HEATR6: variants seen among roughly 807,000 people sequenced by gnomAD.
HEATR6 encodes the protein HEAT repeat containing 6.
A neutral mutation model predicts 132.8 loss-of-function variants in HEATR6; 106 were observed. That is an observed-to-expected ratio of 0.80 (90% confidence interval 0.68 to 0.94). The LOEUF (loss-of-function observed/expected upper bound fraction) is 0.94, where lower values mean the gene tolerates loss of function less well. HEATR6 is among the 40% of genes least tolerant of loss of function. HEATR6 has a pLI of 0.00. For missense variants in HEATR6, 1,339 were observed against 1,425.1 expected (o/e 0.94, Z 0.97); for synonymous variants, 529 against 537.8 (o/e 0.98, Z 0.23).
chr17:60,069,678 C>A, intron 7 of HEATR6, 33 bp downstream of exon 7: 1 of 1,599,550 alleles, frequency 6.3e-7, no homozygotes, highest in Non-Finnish European at 8.6e-7. Context: ...TAAAAATAAG[C>A]CACAACTTAA....
At position 60,073,770 on chromosome 17, in the gene HEATR6, G is replaced by A. The variant is rs746639380; in HGVS notation, c.444C>T (p.Tyr148=). ...CCTTTTGACATTTGGAGCCATTGCA[G>A]TACACCAGAGCTGCCAGGGCTTGAA... ...EILQALAALV[Y]CNGSKCQKYL... The change falls in exon 3 of 20, where the codon TAC becomes TAT. Residue 148 remains tyrosine, a synonymous_variant. Coordinates refer to ENST00000184956, the MANE Select transcript of HEATR6 (RefSeq NM_022070.5). The A allele has an allele frequency of 6.8e-6, 11 of 1,614,048 alleles. No individual in the cohort carries two copies. In the South Asian group the frequency reaches 1.2e-4, roughly 18 times the overall value.
At position 60,069,635 on chromosome 17, in the gene HEATR6, T is replaced by C. The variant is rs2083260547; in HGVS notation, c.939+76A>G. 5.7e-6 allele frequency: 8 copies of C among 1,405,740 alleles called. No individual in the cohort carries two copies. The Admixed American group carries it at 7.0e-5, about 12-fold the overall frequency. 87.1% of individuals were successfully genotyped at this position (1,405,740 alleles called of 1,614,324 possible). On this transcript the variant is annotated intron_variant, in intron 7 of 19. Coordinates refer to ENST00000184956, the MANE Select transcript of HEATR6 (RefSeq NM_022070.5). ...AGGTAGGCTTTTAGGGTAGTAGTGA[T>C]GCAAATCATAGAAAACACACACAAC...
Position 60,078,774 on chromosome 17 carries a change from G to C in HEATR6, c.141C>G (p.Ser47=), listed in dbSNP as rs1453855732. The part of the protein sequence containing the change: ...LCALRPDDSS[S]ARTEIHLLFD... ...AGAGCAGGTGGATCTCGGTGCGGGC[G>C]GAGCTGCTGTCATCCGGGCGCAGGG... Residue 47 remains serine, a synonymous_variant, in exon 1 of 20, where the codon TCC becomes TCG. Coordinates refer to ENST00000184956, the MANE Select transcript of HEATR6 (RefSeq NM_022070.5). 12 of 1,579,494 alleles carry C rather than the reference G, an allele frequency of 7.6e-6. No homozygotes were observed. In the Middle Eastern group the frequency reaches 1.0e-3, roughly 131 times the overall value.
At position 60,046,151 on chromosome 17, in the gene HEATR6, C is replaced by A. The variant is rs114955915; in HGVS notation, c.2848G>T (p.Ala950Ser). The A allele has an allele frequency of 3.5e-5, 56 of 1,613,972 alleles. No individual in the cohort carries two copies. In the African/African-American group the frequency reaches 7.1e-4, roughly 20 times the overall value. Reference protein sequence around the residue: ...QPSHIEKPTFAEIIEESIQAL... With the variant: ...QPSHIEKPTFSEIIEESIQAL... Reference sequence around the variant, plus strand: ...TGGATAGACTCCTCAATGATTTCTGCAAATGTGGGTTTTTCTATATGAGAG... The same window carrying A: ...TGGATAGACTCCTCAATGATTTCTGAAAATGTGGGTTTTTCTATATGAGAG... The change falls in exon 19 of 20, where the codon GCA becomes TCA. Residue 950 changes from alanine (A) to serine (S), a missense_variant. By Grantham distance (99) the Ala-to-Ser change is moderately conservative. Coordinates refer to ENST00000184956, the MANE Select transcript of HEATR6 (RefSeq NM_022070.5).
chr17:60,056,302 T>C, intron 12 of HEATR6, 65 bp from the exon 13 acceptor site: 1 of 1,471,022 alleles, frequency 6.8e-7, no homozygotes, highest in East Asian at 2.4e-5. Flanking sequence ...TCCAGAAAAG[T>C]GTTACAATAT....
intron 2 of HEATR6, chr17:60,075,908 C>A: frequency 6.7e-6 from 2 of 300,064 alleles, no homozygotes; most frequent in Non-Finnish European, 1.2e-5. Flanking sequence ...CTGAACCAAA[C>A]AGAAAGGCAT....
Position 60,048,418 on chromosome 17 carries a change from C to A in HEATR6, c.2548-30G>T, listed in dbSNP as rs1906445746. 3 of 1,580,342 alleles carry A rather than the reference C, an allele frequency of 1.9e-6. No homozygotes were observed. The South Asian group carries it at 3.4e-5, about 18-fold the overall frequency. On this transcript the variant is annotated intron_variant, in intron 16 of 19. Transcript: ENST00000184956. Reference sequence around the variant, plus strand: ...AACACAAAACAAAACACTGCAGTTACTTTAGCAGGTCATGCTGCTACCTTT... The same window carrying A: ...AACACAAAACAAAACACTGCAGTTAATTTAGCAGGTCATGCTGCTACCTTT...
intron 9 of HEATR6, 116 bp from the exon 10 acceptor site, chr17:60,060,212 G>C (rs898209758): frequency 2.8e-6 from 2 of 723,040 alleles, no homozygotes; most frequent in Non-Finnish European, 4.6e-6. Context: ...GAAGAATAAA[G>C]GCAATGGGAT....
At chr17:60,077,510 C>G (rs1221893809) in intron 1 of HEATR6, among the ~76,000 whole-genome samples, 1 of 152,240 alleles carries the variant, frequency 6.6e-6, no homozygotes, top group African/African-American at 2.4e-5. Flanking sequence ...ATGACATACA[C>G]TATTATTCTG....
rs1275482797 is a variant in HEATR6 at position 60,073,790 on chromosome 17, C to T, written c.424G>A (p.Ala142Thr). ...SSWTHREILQ[A>T]LAALVYCNGS... ...TTGCAGTACACCAGAGCTGCCAGGG[C>T]TTGAAGAATTTCCCTGTGTGTCCAG... The change falls in exon 3 of 20, where the codon GCC (alanine) becomes ACC (threonine). Residue 142 changes from alanine to threonine, a missense_variant. Transcript: ENST00000184956. The T allele has an allele frequency of 1.9e-6, 3 of 1,613,936 alleles. No individual in the cohort carries two copies. Among genetic ancestry groups the T allele is most frequent in the Non-Finnish European group, 2.5e-6 (3 of 1,179,966 alleles).
chr17:60,071,879 A>T (rs1197893740), intron 5 of HEATR6, among the ~76,000 whole-genome samples: 3 of 152,358 alleles, frequency 2.0e-5, no homozygotes, highest in Non-Finnish European at 2.9e-5. Flanking sequence ...TCGTATTTTT[A>T]AAAAAGAAAT....
At chr17:60,051,846 A>G (rs1906586332) in intron 14 of HEATR6, among the ~76,000 whole-genome samples, 1 of 152,168 alleles carries the variant, frequency 6.6e-6, no homozygotes, top group Non-Finnish European at 1.5e-5. Flanking sequence ...CCCACTCCAG[A>G]AGAATGTGGA....
intron 8 of HEATR6, 103 bp from the exon 9 acceptor site, chr17:60,066,489 A>G (rs536648010): frequency 1.6e-5 from 13 of 825,246 alleles, no homozygotes; most frequent in Admixed American, 9.5e-5. Context: ...CAAATGATAC[A>G]TTCAAAAATT....
chr17:60,046,173 A>G lies in HEATR6; in HGVS notation c.2826T>C (p.Ser942=), dbSNP rs1366658132. The G allele has an allele frequency of 3.7e-6, 6 of 1,613,968 alleles. No homozygotes were observed. Among genetic ancestry groups the G allele is most frequent in the African/African-American group, 2.7e-5 (2 of 75,040 alleles). The change falls in exon 19 of 20, where the codon TCT becomes TCC. Residue 942 remains serine, a synonymous_variant. Transcript: ENST00000184956. ...CTGCAAATGTGGGTTTTTCTATATG[A>G]GAGGGTTGCAGAAAATGAAGCAAAT... ...LGNLLHFLQP[S]HIEKPTFAEI...
intron 1 of HEATR6, chr17:60,076,808 A>G (rs901970412): frequency 2.6e-5 from 4 of 152,268 alleles, no homozygotes; most frequent in African/African-American, 9.6e-5. Flanking sequence ...TTAAATAACC[A>G]GAAAAAGGCT....
chr17:60,061,821 C>G (rs568158013), intron 9 of HEATR6, among the ~76,000 whole-genome samples: 1 of 152,256 alleles, frequency 6.6e-6, no homozygotes, highest in African/African-American at 2.4e-5. Context: ...GAGGCTCGTC[C>G]GAACTCAACA....
intron 9 of HEATR6, among the ~76,000 whole-genome samples, chr17:60,065,564 C>T (rs1469809104): frequency 6.6e-6 from 1 of 152,186 alleles, no homozygotes; most frequent in Non-Finnish European, 1.5e-5. Flanking sequence ...GAAGAATTAA[C>T]ATATTCAAGC....
At chr17:60,066,662 GACACT>G (rs1432843187) in intron 8 of HEATR6, among the ~76,000 whole-genome samples, 4 of 152,122 alleles carry the variant, frequency 2.6e-5, no homozygotes, top group Non-Finnish European at 5.9e-5. Context: ...TTGATATCAG[GACACT>G]GGTGTTAGAC....
intron 9 of HEATR6, among the ~76,000 whole-genome samples, chr17:60,060,407 G>GT (rs2083204071): frequency 1.3e-5 from 2 of 152,154 alleles, no homozygotes; most frequent in Middle Eastern, 3.4e-3. Context: ...AGCCTCCCAA[G>GT]TAGCTAGGAC....
Sources: gnomAD v4.1 joint callset for allele counts (sites outside exome capture counted in the v4.1 genomes callset) on GRCh38, gnomAD v4.1.1 for gene constraint, MANE v1.5 for transcripts, NCBI Gene and HGNC (gene_info 2026-07-23, HGNC 2026-07-21) for gene names.